Variants in FRMPD4 observed in about 807,000 individuals in gnomAD.
The protein encoded by FRMPD4 is FERM and PDZ domain containing 4.
Under a neutral mutation model 94.1 loss-of-function variants are expected in FRMPD4, and 22 were observed. The observed-to-expected ratio is 0.23, with a 90% confidence interval of 0.17 to 0.33. The LOEUF is 0.33. Among genes scored for constraint, FRMPD4 ranks in the 10% least tolerant of loss-of-function variants. The pLI is 1.00. For synonymous variants in FRMPD4, 631 were observed against 548.6 expected (o/e 1.15, Z -2.10); for missense variants, 1,111 against 1,339.9 (o/e 0.83, Z 2.67).
chrX:12,133,991 G>A (rs1372609117), upstream of FRMPD4, among the ~76,000 whole-genome samples: 2 of 112,006 alleles, frequency 1.8e-5, no homozygotes, highest in Non-Finnish European at 3.8e-5. Context: ...CATTTAACGC[G>A]TTACTCTTCA....
At chrX:12,251,015 C>T (rs1337437529) in intron 1 of FRMPD4, among the ~76,000 whole-genome samples, 1 of 112,179 alleles carries the variant, frequency 8.9e-6, no homozygotes, top group African/African-American at 3.2e-5. Flanking sequence ...GAGCACCTAT[C>T]CGCCAGGAAA....
chrX:12,312,016 T>C (rs1364436250), intron 1 of FRMPD4, among the ~76,000 whole-genome samples: 1 of 110,383 alleles, frequency 9.1e-6, no homozygotes, highest in Non-Finnish European at 1.9e-5. Context: ...GTAGGTTAGA[T>C]ACTCTCACTG....
At chrX:12,112,472 T>C (rs1254118780) in intron 3 of FRMPD4, among the ~76,000 whole-genome samples, 2 of 110,555 alleles carry the variant, frequency 1.8e-5, no homozygotes, top group Non-Finnish European at 3.8e-5. Flanking sequence ...ATGTAAATGA[T>C]GAGCTAATGG....
intron 1 of FRMPD4, among the ~76,000 whole-genome samples, chrX:12,345,131 AGGATGGATGGATGGATGGAT>A (rs372484963): frequency 1.5e-3 from 143 of 97,590 alleles, no homozygotes; most frequent in Middle Eastern, 5.4e-3. Context: ...GACAAATGAA[AGGATGGATGGATGGATGGAT>A]GGATGGATGG....
chrX:12,281,383 T>A (rs112392651), intron 1 of FRMPD4, among the ~76,000 whole-genome samples: 1,303 of 110,744 alleles, frequency 0.012, 22 homozygotes, highest in African/African-American at 0.041. Context: ...TTTTTTTTTT[T>A]TTCTTTTTTG....
chrX:12,150,636 T>C (rs1382994591), intron 1 of FRMPD4, among the ~76,000 whole-genome samples: 1 of 112,273 alleles, frequency 8.9e-6, no homozygotes, highest in Non-Finnish European at 1.9e-5. Flanking sequence ...TTATATGCTC[T>C]ATATTTTAAA....
intron 9 of FRMPD4, among the ~76,000 whole-genome samples, chrX:12,696,586 C>CAAAAAAAAAAAAAAAAAAAAA (rs57877846): frequency 1.1e-3 from 34 of 30,059 alleles, no homozygotes; most frequent in African/African-American, 1.8e-3. Context: ...AAAAATGAAG[C>CAAAAAAAAAAAAAAAAAAAAA]AAAAAAAAAA....
At chrX:12,438,852 A>C (rs749120342) in intron 1 of FRMPD4, among the ~76,000 whole-genome samples, 1 of 111,563 alleles carries the variant, frequency 9.0e-6, no homozygotes, top group African/African-American at 3.3e-5. Context: ...GTGAAGAGGA[A>C]CACTGTGAGG....
At chrX:11,849,426 A>T (rs2053606720) in intron 1 of FRMPD4, among the ~76,000 whole-genome samples, 1 of 111,641 alleles carries the variant, frequency 9.0e-6, no homozygotes, top group Admixed American at 9.6e-5. Context: ...TTCATCGTAA[A>T]ATTCATGTAG....
intron 16 of FRMPD4, among the ~76,000 whole-genome samples, chrX:12,719,637 T>G (rs934950260): frequency 1.8e-5 from 2 of 112,204 alleles, no homozygotes; most frequent in Non-Finnish European, 3.8e-5. Context: ...ATTTTCTACT[T>G]TCTCAAAACC....
intron 10 of FRMPD4, among the ~76,000 whole-genome samples, 188 bp downstream of exon 10, chrX:12,702,198 T>C (rs750618206): frequency 5.3e-5 from 6 of 112,888 alleles, no homozygotes; most frequent in East Asian, 2.8e-4. Flanking sequence ...CTTTAGAGCA[T>C]TGTAGTTAAG....
At chrX:11,993,622 G>T (rs186384972) in intron 3 of FRMPD4, among the ~76,000 whole-genome samples, 1 of 112,322 alleles carries the variant, frequency 8.9e-6, no homozygotes, top group African/African-American at 3.2e-5. Flanking sequence ...GTGTTCTATA[G>T]ATTACTATGT....
At chrX:12,241,643 T>G (rs892232803) in intron 1 of FRMPD4, among the ~76,000 whole-genome samples, 4 of 111,795 alleles carry the variant, frequency 3.6e-5, no homozygotes, top group African/African-American at 1.3e-4. Flanking sequence ...CTCACGCCTG[T>G]AAACCCAGCA....
At chrX:12,326,229 C>G (rs1361963586) in intron 1 of FRMPD4, among the ~76,000 whole-genome samples, 1 of 111,917 alleles carries the variant, frequency 8.9e-6, no homozygotes, top group African/African-American at 3.3e-5. Flanking sequence ...AGCTTGTTGA[C>G]ATTCTTCAAA....
rs376493664 is a variant in FRMPD4, at chrX:12,683,292, T to C, written c.469-191T>C. Among the ~76,000 whole-genome samples the C allele has an allele frequency of 3.0e-4, 34 of 111,989 alleles. No homozygotes were observed. In the South Asian group the frequency reaches 6.0e-3, roughly 20 times the overall value. On this transcript the variant is annotated intron_variant, in intron 5 of 16. Transcript: ENST00000675598. ...TGGTAGTTCTGATCTGGCCACTAAA[T>C]CAAACTTACTAACTTATAGACATGA...
At chrX:12,442,459 G>A (rs935398522) in intron 1 of FRMPD4, among the ~76,000 whole-genome samples, 2 of 111,414 alleles carry the variant, frequency 1.8e-5, no homozygotes, top group Non-Finnish European at 3.8e-5. Context: ...AAGTACTTGT[G>A]GTTCTCCTGT....
At chrX:12,610,461 T>G (rs2059170894) in intron 3 of FRMPD4, among the ~76,000 whole-genome samples, 1 of 111,749 alleles carries the variant, frequency 8.9e-6, no homozygotes, top group Non-Finnish European at 1.9e-5. Flanking sequence ...AAGAAGAGAG[T>G]TTTTGGCTGG....
chrX:12,675,039 A>T, intron 5 of FRMPD4, 131 bp downstream of exon 5: 1 of 512,285 alleles, frequency 2.0e-6, no homozygotes, highest in East Asian at 3.4e-5. Flanking sequence ...TGGGTTCAAA[A>T]ATCTTGACTA....
At chrX:12,239,611 G>A (rs2057106839) in intron 1 of FRMPD4, among the ~76,000 whole-genome samples, 1 of 112,323 alleles carries the variant, frequency 8.9e-6, no homozygotes, top group South Asian at 3.7e-4. Context: ...CTAGGAAGCA[G>A]CTAAGTGTGG....
Sources: gnomAD v4.1 joint callset for allele counts (sites outside exome capture counted in the v4.1 genomes callset) on GRCh38, gnomAD v4.1.1 for gene constraint, MANE v1.5 for transcripts, NCBI Gene and HGNC (gene_info 2026-07-23, HGNC 2026-07-21) for gene names.